The following DAZAP2 variants were observed in gnomAD, a reference collection of about 807,000 sequenced individuals.
DAZAP2 encodes the protein DAZ associated protein 2.
Under a neutral mutation model 16.2 loss-of-function variants are expected in DAZAP2, and 3 were observed. The observed-to-expected ratio is 0.19, with a 90% CI of 0.08 to 0.48. The LOEUF (loss-of-function observed/expected upper bound fraction) is 0.48. Among genes scored for constraint, DAZAP2 ranks in the 20% least tolerant of loss-of-function variants. DAZAP2 has a pLI of 0.98. For missense variants in DAZAP2, 172 were observed against 215.9 expected, an observed-to-expected ratio of 0.80 and a Z score of 1.27; for synonymous variants, 69 against 77.6, an observed-to-expected ratio of 0.89 and a Z score of 0.58.
At chr12:51,239,624 A>G (rs2137280520) in intron 1 of DAZAP2, 1 of 152,488 alleles carries the variant, frequency 6.6e-6, no homozygotes, top group South Asian at 2.0e-4. Flanking sequence ...ATTAAAAAAT[A>G]CAAAAATCAG....
intron 3 of DAZAP2, among the ~76,000 whole-genome samples, chr12:51,241,812 T>C (rs1385811503): frequency 1.3e-5 from 2 of 151,954 alleles, no homozygotes; most frequent in African/African-American, 2.4e-5. Context: ...TCCCAGCTAC[T>C]TGGGAGGCTA....
Position 51,239,095 on chromosome 12 carries a change from G to C in DAZAP2, c.13+175G>C, listed in dbSNP as rs112714716. ...CCTTCGTCATACCCAAATTACGGCA[G>C]CTTGCTGCCTCCAGGCCCTTTCCTC... On this transcript the variant is annotated intron_variant, in intron 1 of 3. Transcript: ENST00000412716. 1,758 of 888,608 alleles carry C rather than the reference G, an allele frequency of 2.0e-3. 21 individuals are homozygous for C. The African/African-American group carries it at 0.022, about 11-fold the overall frequency. 55.0% of individuals were successfully genotyped at this position (888,608 alleles called of 1,614,324 possible). A position where few individuals can be genotyped will look rare whatever the true frequency, so the allele number is the denominator to read the frequency against.
At chr12:51,246,517 C>T (rs1300064485), downstream of DAZAP2, 8 of 448,924 alleles carry the variant, frequency 1.8e-5, no homozygotes, top group East Asian at 1.7e-4. Flanking sequence ...TCAAGTGTAA[C>T]GTCCGTATGC....
chr12:51,239,112 C>G, intron 1 of DAZAP2, 192 bp downstream of exon 1: 1 of 785,922 alleles, frequency 1.3e-6, no homozygotes, highest in Non-Finnish European at 1.9e-6. Context: ...GCCTCCAGGC[C>G]CTTTCCTCCG....
At chr12:51,238,991 A>G in intron 1 of DAZAP2, 71 bp downstream of exon 1, 1 of 1,593,424 alleles carries the variant, frequency 6.3e-7, no homozygotes. Flanking sequence ...TTCGGAGCCC[A>G]GGGTCACCAA....
Position 51,242,790 on chromosome 12 carries a change from T to C in DAZAP2, c.*332T>C. ...TTTAGTAATAAAACATCAAATTAGG[T>C]TTGGAGGGAACTTTGATCTTCCTAA... On this transcript the variant is annotated 3_prime_UTR_variant, in exon 4 of 4. Transcript: ENST00000412716. The C allele has an allele frequency of 7.1e-7, 1 of 1,406,086 alleles. No individual in the cohort carries two copies. 87.1% of individuals were successfully genotyped at this position (1,406,086 alleles called of 1,614,324 possible).
Position 51,238,836 on chromosome 12 carries a change from T to C in DAZAP2, c.-72T>C. On this transcript the variant is annotated 5_prime_UTR_variant, in exon 1 of 4. Coordinates refer to ENST00000412716, the MANE Select transcript of DAZAP2 (RefSeq NM_014764.4). ...GACGGACCATCATGTGACACGGAAG[T>C]AGCTCCGAACAGGAAGAGGACGAAA... 1 of 1,609,080 alleles carries C rather than the reference T, an allele frequency of 6.2e-7. No homozygotes were observed. Among genetic ancestry groups the C allele is most frequent in the East Asian group, 2.2e-5 (1 of 44,732 alleles).
intron 1 of DAZAP2, 46 bp downstream of exon 1, chr12:51,238,966 C>T (rs1439090911): frequency 6.2e-7 from 1 of 1,608,716 alleles, no homozygotes. Context: ...GTACTGCTGG[C>T]CCAGAGCGAG....
Position 51,238,883 on chromosome 12 carries a change from G to C in DAZAP2, c.-25G>C, listed in dbSNP as rs542124123. On this transcript the variant is annotated 5_prime_UTR_variant, in exon 1 of 4. Transcript: ENST00000412716. ...GAAAAAAATAACCGTCCGCGACGCCGAGACAAACCGGACCCGCAACCACCA... is the reference window on the plus strand; with the variant it reads ...GAAAAAAATAACCGTCCGCGACGCCCAGACAAACCGGACCCGCAACCACCA... 9.3e-6 allele frequency: 15 copies of C among 1,613,290 alleles called. No homozygotes were observed. In the Admixed American group the frequency reaches 2.2e-4, roughly 23 times the overall value.
In DAZAP2 at chr12:51,243,838, A is replaced by G. The variant is rs1035517058; in HGVS notation, c.*1380A>G. On this transcript the variant is annotated 3_prime_UTR_variant, in exon 4 of 4. Coordinates refer to ENST00000412716, the MANE Select transcript of DAZAP2 (RefSeq NM_014764.4). ...TTGTTTTTAGATTTCTTCTATATAT[A>G]TTTTATTTATATCCCATCTAGAATT... 1.0e-6 allele frequency: 1 copy of G among 984,708 alleles called. No homozygotes were observed. Among genetic ancestry groups the G allele is most frequent in the Non-Finnish European group, 1.2e-6 (1 of 829,352 alleles). 61.0% of individuals were successfully genotyped at this position (984,708 alleles called of 1,614,324 possible). A position where few individuals can be genotyped will look rare whatever the true frequency, so the allele number is the denominator to read the frequency against.
At chr12:51,245,924 T>C, downstream of DAZAP2, 1 of 1,607,400 alleles carries the variant, frequency 6.2e-7, no homozygotes, top group Non-Finnish European at 8.5e-7. Context: ...AATAAGCTCC[T>C]TGGGGCCTGG....
chr12:51,242,670 G>A lies in DAZAP2; in HGVS notation c.*212G>A. The A allele has an allele frequency of 2.0e-6, 3 of 1,520,392 alleles. No individual in the cohort carries two copies. The South Asian group carries it at 3.8e-5, about 19-fold the overall frequency. The allele number at this position is 1,520,392 out of a possible 1,614,324, so 94.2% of individuals were successfully genotyped here. ...CTCCCTAAAGCATTTTGAGGTAGGG[G>A]AGGTATCCATTCATAAAATGAATGT... On this transcript the variant is annotated 3_prime_UTR_variant, in exon 4 of 4. Transcript: ENST00000412716.
rs556558486 is a variant in DAZAP2 at position 51,241,242 on chromosome 12, A to G, written c.378+126A>G. On this transcript the variant is annotated intron_variant, in intron 3 of 3. Transcript: ENST00000412716. ...AGTGTTGGTACAACTACTGACATCCAATACTCAGGCAGAAAGTGTTTGAGG... is the reference window on the plus strand; with the variant it reads ...AGTGTTGGTACAACTACTGACATCCGATACTCAGGCAGAAAGTGTTTGAGG... 465 of 1,432,214 alleles carry G rather than the reference A, an allele frequency of 3.2e-4. 5 individuals are homozygous for G. The South Asian group carries it at 5.5e-3, about 17-fold the overall frequency. 88.7% of individuals were successfully genotyped at this position (1,432,214 alleles called of 1,614,324 possible).
downstream of DAZAP2, chr12:51,244,080 G>A (rs146669719): frequency 5.4e-5 from 14 of 260,798 alleles, no homozygotes; most frequent in Non-Finnish European, 8.4e-5. Flanking sequence ...TTGGCTTGAA[G>A]AAAAGGTTCT....
At chr12:51,246,626 G>GTGTGTA (rs1944775355), downstream of DAZAP2, 1 of 597,746 alleles carries the variant, frequency 1.7e-6, no homozygotes, top group Non-Finnish European at 2.8e-6. Flanking sequence ...GTGTGTGTGT[G>GTGTGTA]TGTGTGTGTG....
rs948850857 is a variant in DAZAP2, at chr12:51,242,704, C to T, written c.*246C>T. 13 of 1,488,324 alleles carry T rather than the reference C, an allele frequency of 8.7e-6. No individual in the cohort carries two copies. The highest frequency in any genetic ancestry group is 2.4e-5 in the Admixed American group (1 of 42,328). The allele number at this position is 1,488,324 out of a possible 1,614,324, so 92.2% of individuals were successfully genotyped here. On this transcript the variant is annotated 3_prime_UTR_variant, in exon 4 of 4. Transcript: ENST00000412716. ...ATTCATAAAATGAATGTGGGTGAAG[C>T]CGCCCTAAGGATTTTCCTTTAATTT...
chr12:51,240,343 G>A lies in DAZAP2; in HGVS notation c.14G>A (p.Gly5Asp). MNSK[G>D]QYPTQPTYPV... ...CCTTCATTTTTTTCTTGTCTTTCAGGTCAATATCCAACACAGCCAACCTAC... is the reference window on the plus strand; with the variant it reads ...CCTTCATTTTTTTCTTGTCTTTCAGATCAATATCCAACACAGCCAACCTAC... The change falls in exon 2 of 4, where the codon GGT (glycine) becomes GAT (aspartate). Residue 5 changes from glycine to aspartate, a missense_variant and splice_region_variant. Coordinates refer to ENST00000412716, the MANE Select transcript of DAZAP2 (RefSeq NM_014764.4). 6.2e-7 allele frequency: 1 copy of A among 1,613,042 alleles called. No individual in the cohort carries two copies. The highest frequency in any genetic ancestry group is 8.5e-7 in the Non-Finnish European group (1 of 1,179,238).
intron 1 of DAZAP2, 186 bp downstream of exon 1, chr12:51,239,106 C>T: frequency 6.2e-6 from 5 of 812,458 alleles, no homozygotes; most frequent in Non-Finnish European, 9.3e-6. Flanking sequence ...CTTGCTGCCT[C>T]CAGGCCCTTT....
At position 51,243,789 on chromosome 12, in the gene DAZAP2, C is replaced by T; in HGVS notation, c.*1331C>T. On this transcript the variant is annotated 3_prime_UTR_variant, in exon 4 of 4. Coordinates refer to ENST00000412716, the MANE Select transcript of DAZAP2 (RefSeq NM_014764.4). ...AAAGTGATGAAGTTGCATTACACCT[C>T]ACTGCAAGGATTCTTTACTTAGCTT... The T allele has an allele frequency of 1.0e-6, 1 of 985,528 alleles. No individual in the cohort carries two copies. 61.0% of individuals were successfully genotyped at this position (985,528 alleles called of 1,614,324 possible). A position where few individuals can be genotyped will look rare whatever the true frequency, so the allele number is the denominator to read the frequency against.
Sources: allele counts gnomAD v4.1 joint callset (sites outside exome capture counted in the v4.1 genomes callset), GRCh38; gene constraint gnomAD v4.1.1; transcripts MANE v1.5; gene names NCBI Gene and HGNC (gene_info 2026-07-23, HGNC 2026-07-21).